The following DPP8 variants were observed in gnomAD, a reference collection of about 807,000 sequenced individuals.
DPP8 encodes the protein DPP VIII.
A neutral mutation model predicts 107.5 loss-of-function variants in DPP8; 31 were observed. The observed-to-expected ratio is 0.29, with a 90% CI of 0.22 to 0.39. The LOEUF is 0.39. DPP8 is among the 10% of genes least tolerant of loss of function. The pLI, the probability that DPP8 is intolerant of heterozygous loss-of-function variation, is 1.00. For missense variants in DPP8, 842 were observed against 1,076.1 expected (o/e 0.78, Z 3.04); for synonymous variants, 381 against 356.6 (o/e 1.07, Z -0.77).
At chr15:65,452,444 G>T (rs1432397692) in intron 17 of DPP8, among the ~76,000 whole-genome samples, 1 of 151,826 alleles carries the variant, frequency 6.6e-6, no homozygotes, top group Non-Finnish European at 1.5e-5. Context: ...ATGTAAAAAA[G>T]GAGCCACCTT....
chr15:65,457,884 C>G (rs948623258), intron 15 of DPP8, among the ~76,000 whole-genome samples: 1 of 152,160 alleles, frequency 6.6e-6, no homozygotes, highest in Non-Finnish European at 1.5e-5. Flanking sequence ...GCCTCGAACT[C>G]CTGGGCTCAA....
chr15:65,463,291 C>T (rs554810079), intron 15 of DPP8, among the ~76,000 whole-genome samples: 2 of 152,310 alleles, frequency 1.3e-5, no homozygotes, highest in South Asian at 4.1e-4. Context: ...GTAATCCCAA[C>T]ACTTTGGGAG....
chr15:65,484,545 T>G (rs1247428631), intron 8 of DPP8, among the ~76,000 whole-genome samples: 1 of 151,924 alleles, frequency 6.6e-6, no homozygotes, highest in East Asian at 1.9e-4. Flanking sequence ...AAAGCTGTTT[T>G]TAAAAAAGTC....
intron 2 of DPP8, among the ~76,000 whole-genome samples, chr15:65,510,719 A>T (rs922752945): frequency 6.6e-6 from 1 of 152,154 alleles, no homozygotes; most frequent in Admixed American, 6.6e-5. Context: ...TTGCATTTTT[A>T]GTAGAGACGC....
intron 14 of DPP8, among the ~76,000 whole-genome samples, chr15:65,464,606 C>A (rs891736193): frequency 1.3e-5 from 2 of 151,694 alleles, no homozygotes; most frequent in African/African-American, 4.8e-5. Flanking sequence ...TTGACTGAGC[C>A]CAGGAGGTTG....
chr15:65,490,979 G>A (rs1321920671), intron 5 of DPP8, among the ~76,000 whole-genome samples: 2 of 151,910 alleles, frequency 1.3e-5, no homozygotes, highest in African/African-American at 4.8e-5. Flanking sequence ...CCAATATGGT[G>A]AAACTCTGTC....
At chr15:65,487,658 G>A (rs773746623) in intron 7 of DPP8, 32 bp downstream of exon 7, 2 of 1,585,034 alleles carry the variant, frequency 1.3e-6, no homozygotes, top group African/African-American at 1.4e-5. Context: ...AAGAGGAAAT[G>A]AGTGAATATA....
chr15:65,508,040 C>G (rs532731899), intron 2 of DPP8, among the ~76,000 whole-genome samples: 1 of 151,618 alleles, frequency 6.6e-6, no homozygotes, highest in South Asian at 2.1e-4. Flanking sequence ...GAGTTTGATA[C>G]CAGCCTGGCC....
At chr15:65,474,184 A>G (rs76223536) in intron 12 of DPP8, 25 bp downstream of exon 12, 7 of 1,503,420 alleles carry the variant, frequency 4.7e-6, no homozygotes, top group African/African-American at 1.4e-5. Context: ...CTGACCAAAC[A>G]TATCAGTAGA....
At chr15:65,486,762 A>G (rs1348900245) in intron 7 of DPP8, among the ~76,000 whole-genome samples, 5 of 152,196 alleles carry the variant, frequency 3.3e-5, no homozygotes, top group African/African-American at 7.2e-5. Context: ...GTTCTCACTG[A>G]TAAGTGGGAG....
chr15:65,508,332 C>T (rs2070331634), intron 2 of DPP8, among the ~76,000 whole-genome samples: 1 of 152,062 alleles, frequency 6.6e-6, no homozygotes, highest in Admixed American at 6.6e-5. Context: ...CAGAATCTGG[C>T]AACTGATCTG....
chr15:65,482,665 T>C (rs2067037559), intron 8 of DPP8, among the ~76,000 whole-genome samples: 1 of 152,152 alleles, frequency 6.6e-6, no homozygotes, highest in Admixed American at 6.6e-5. Context: ...AAATAAATAA[T>C]TTTTAAAAAC....
intron 16 of DPP8, 57 bp downstream of exon 16, chr15:65,456,164 CCAAA>C (rs2064404345): frequency 6.4e-7 from 1 of 1,567,840 alleles, no homozygotes; most frequent in Non-Finnish European, 8.7e-7. Flanking sequence ...GGGTTTCACA[CCAAA>C]CAATGGACCA....
intron 5 of DPP8, among the ~76,000 whole-genome samples, chr15:65,496,817 T>C (rs1481472250): frequency 7.7e-6 from 1 of 129,762 alleles, no homozygotes; most frequent in African/African-American, 3.7e-5. Flanking sequence ...CATCCAGCTA[T>C]TTTTTTTTTT....
chr15:65,476,417 G>C (rs2066395701), intron 11 of DPP8, among the ~76,000 whole-genome samples: 1 of 152,040 alleles, frequency 6.6e-6, no homozygotes, highest in Admixed American at 6.6e-5. Context: ...GCAAAGAGGA[G>C]GGAGAAGGAA....
At chr15:65,490,988 T>A (rs1176318584) in intron 5 of DPP8, among the ~76,000 whole-genome samples, 1 of 151,852 alleles carries the variant, frequency 6.6e-6, no homozygotes. Flanking sequence ...TGAAACTCTG[T>A]CTCTACTAAA....
intron 2 of DPP8, among the ~76,000 whole-genome samples, chr15:65,511,716 TACACACACC>T (rs2070802791): frequency 1.2e-5 from 1 of 86,458 alleles, no homozygotes; most frequent in South Asian, 4.8e-4. Context: ...CACACATACA[TACACACACC>T]ACACACACAC....
chr15:65,466,956 G>C (rs2065413976), intron 13 of DPP8, 115 bp downstream of exon 13: 4 of 1,451,358 alleles, frequency 2.8e-6, no homozygotes, highest in Non-Finnish European at 3.7e-6. Context: ...GCTTTTTAAA[G>C]CTTTTCCTTA....
intron 17 of DPP8, 35 bp from the exon 18 acceptor site, chr15:65,452,137 T>G (rs1452863475): frequency 1.3e-6 from 2 of 1,583,306 alleles, no homozygotes; most frequent in Admixed American, 3.8e-5. Flanking sequence ...AAGTGTGGTC[T>G]GGAAAAAGAG....
Sources: allele counts gnomAD v4.1 joint callset (sites outside exome capture counted in the v4.1 genomes callset), GRCh38; gene constraint gnomAD v4.1.1; transcripts MANE v1.5; gene names NCBI Gene and HGNC (gene_info 2026-07-23, HGNC 2026-07-21).